HSD17B3: variants seen among roughly 807,000 people sequenced by gnomAD.
The protein encoded by HSD17B3 is hydroxysteroid 17-beta dehydrogenase 3, also known as 17-beta-hydroxysteroid dehydrogenase type 3.
Under a neutral mutation model 41.1 loss-of-function variants are expected in HSD17B3, and 29 were observed. The ratio of observed to expected loss-of-function variants is 0.71; its 90% CI spans 0.53 to 0.96. The LOEUF is 0.96. Ranked by LOEUF, HSD17B3 falls within the 40% of genes least tolerant of loss-of-function variation. The pLI is 0.00. For missense variants in HSD17B3, 323 were observed against 374.6 expected (o/e 0.86, Z 1.14); for synonymous variants, 126 against 145.6 (o/e 0.87, Z 0.97).
chr9:96,278,380 T>C (rs916853957), intron 2 of HSD17B3, among the ~76,000 whole-genome samples: 4 of 152,220 alleles, frequency 2.6e-5, no homozygotes, highest in East Asian at 1.9e-4. Context: ...TAAGAAGTCA[T>C]ACACTTAAAT....
chr9:96,280,331 A>G (rs1016623621), intron 2 of HSD17B3, among the ~76,000 whole-genome samples: 1 of 152,128 alleles, frequency 6.6e-6, no homozygotes, highest in Admixed American at 6.5e-5. Context: ...TTTTTCACCA[A>G]TCCACTTATT....
At chr9:96,300,757 T>A (rs976439432) in intron 1 of HSD17B3, among the ~76,000 whole-genome samples, 1 of 152,144 alleles carries the variant, frequency 6.6e-6, no homozygotes, top group Admixed American at 6.5e-5. Context: ...AAGTTCTGCA[T>A]GGGCGTTCCA....
chr9:96,286,181 T>C (rs1826910269), intron 2 of HSD17B3, among the ~76,000 whole-genome samples: 1 of 152,094 alleles, frequency 6.6e-6, no homozygotes, highest in African/African-American at 2.4e-5. Context: ...CCATCTCTAC[T>C]AAAACTACAA....
intron 2 of HSD17B3, among the ~76,000 whole-genome samples, chr9:96,288,511 T>C (rs1468840199): frequency 1.3e-5 from 2 of 152,094 alleles, no homozygotes; most frequent in Non-Finnish European, 2.9e-5. Context: ...CCAAGTGAGA[T>C]AGCTCATTTC....
At chr9:96,277,755 G>A (rs976444196) in intron 2 of HSD17B3, among the ~76,000 whole-genome samples, 2 of 151,588 alleles carry the variant, frequency 1.3e-5, no homozygotes, top group Non-Finnish European at 2.9e-5. Context: ...GCACTCCCTT[G>A]TTCATTACAG....
At chr9:96,257,035 C>A (rs981846316) in intron 2 of HSD17B3, among the ~76,000 whole-genome samples, 3 of 152,112 alleles carry the variant, frequency 2.0e-5, no homozygotes, top group Non-Finnish European at 4.4e-5. Flanking sequence ...CTGCTCCAGG[C>A]ATGAGAAGTG....
rs8190550 is a variant in HSD17B3, at chr9:96,245,125, G to A, written c.606+220C>T. On this transcript the variant is annotated intron_variant, in intron 8 of 10. Coordinates refer to ENST00000375263, the MANE Select transcript of HSD17B3 (RefSeq NM_000197.2). Reference sequence around the variant, plus strand: ...GGAGGTGAGTGGGGCAGGCATCCCCGGAGGCTGGCCAAGTTGTGCACCGCA... The same window carrying A: ...GGAGGTGAGTGGGGCAGGCATCCCCAGAGGCTGGCCAAGTTGTGCACCGCA... Among the ~76,000 whole-genome samples, 8,287 of 152,254 alleles carry A rather than the reference G, an allele frequency of 0.054. 372 individuals carry two copies. The highest frequency in any genetic ancestry group is 0.24 in the East Asian group (1,225 of 5,154).
chr9:96,248,844 G>T (rs1044997720), intron 6 of HSD17B3, among the ~76,000 whole-genome samples: 1 of 152,042 alleles, frequency 6.6e-6, no homozygotes, highest in African/African-American at 2.4e-5. Context: ...TCTTTGTGCA[G>T]CTGACCCTCA....
intron 7 of HSD17B3, chr9:96,246,348 T>G: frequency 1.6e-6 from 1 of 639,920 alleles, no homozygotes; most frequent in Non-Finnish European, 2.8e-6. Flanking sequence ...GTGTTACGTT[T>G]GACCTTCACA....
intron 2 of HSD17B3, among the ~76,000 whole-genome samples, chr9:96,284,753 G>T (rs1826842046): frequency 6.6e-6 from 1 of 152,104 alleles, no homozygotes; most frequent in Non-Finnish European, 1.5e-5. Context: ...CAACTCATAG[G>T]TATTTGAGGG....
At chr9:96,283,109 G>A (rs982920611) in intron 2 of HSD17B3, among the ~76,000 whole-genome samples, 13 of 145,636 alleles carry the variant, frequency 8.9e-5, no homozygotes, top group Admixed American at 2.8e-4. Flanking sequence ...GGGTTCAAGC[G>A]ATCCTCCTGC....
chr9:96,293,485 G>A (rs1450428319), intron 2 of HSD17B3, among the ~76,000 whole-genome samples: 1 of 146,536 alleles, frequency 6.8e-6, no homozygotes, highest in Non-Finnish European at 1.5e-5. Context: ...CCATAACCAT[G>A]TGCGTCAATT....
At chr9:96,267,384 C>T (rs965800297) in intron 2 of HSD17B3, among the ~76,000 whole-genome samples, 1 of 152,006 alleles carries the variant, frequency 6.6e-6, no homozygotes, top group African/African-American at 2.4e-5. Context: ...TCTCGAACTC[C>T]TGACCTCAAG....
Position 96,238,312 on chromosome 9 carries a change from G to T in HSD17B3, c.822+2446C>A, listed in dbSNP as rs568238870. Among the ~76,000 whole-genome samples the T allele has an allele frequency of 2.2e-4, 33 of 152,200 alleles. No homozygotes were observed. In the South Asian group the frequency reaches 6.9e-3, roughly 32 times the overall value. On this transcript the variant is annotated intron_variant, in intron 10 of 10. Transcript: ENST00000375263. ...CACAGTGTCCTCCTGAAGGTGGAAG[G>T]GATGCCATCCCCACTGGAGAGGGCT...
At chr9:96,282,468 T>G (rs1305168649) in intron 2 of HSD17B3, among the ~76,000 whole-genome samples, 1 of 152,222 alleles carries the variant, frequency 6.6e-6, no homozygotes, top group African/African-American at 2.4e-5. Flanking sequence ...CTTAATGCTT[T>G]AAGGTCATAA....
Position 96,252,798 on chromosome 9 carries a change from C to T in HSD17B3, c.385+5G>A, listed in dbSNP as rs1564030844. 1.3e-6 allele frequency: 2 copies of T among 1,485,424 alleles called. No individual in the cohort carries two copies. The highest frequency in any genetic ancestry group is 1.9e-6 in the Non-Finnish European group (2 of 1,062,800). 92.0% of individuals were successfully genotyped at this position (1,485,424 alleles called of 1,614,324 possible). On this transcript the variant is annotated splice_donor_5th_base_variant and intron_variant, in intron 4 of 10. Transcript: ENST00000375263. Reference sequence around the variant, plus strand: ...AACAAGCTTTGCATCTTGCAATTTACTCACCTAAAATTCCAATTTCTAAGC... The same window carrying T: ...AACAAGCTTTGCATCTTGCAATTTATTCACCTAAAATTCCAATTTCTAAGC...
intron 2 of HSD17B3, among the ~76,000 whole-genome samples, chr9:96,269,391 T>A (rs1336708873): frequency 3.3e-5 from 5 of 152,170 alleles, no homozygotes. Context: ...ACTCATGACA[T>A]ATCCTGCAGG....
chr9:96,274,757 A>T (rs1826384485), intron 2 of HSD17B3, among the ~76,000 whole-genome samples: 1 of 152,194 alleles, frequency 6.6e-6, no homozygotes, highest in African/African-American at 2.4e-5. Flanking sequence ...GATTTATGGG[A>T]CATAAACAAG....
chr9:96,243,519 C>A (rs74737024), intron 9 of HSD17B3, among the ~76,000 whole-genome samples: 2 of 152,184 alleles, frequency 1.3e-5, no homozygotes, highest in Non-Finnish European at 2.9e-5. Context: ...AATCAGTGTG[C>A]GCAGCAATAA....
Sources: gnomAD v4.1 joint callset for allele counts (sites outside exome capture counted in the v4.1 genomes callset) on GRCh38, gnomAD v4.1.1 for gene constraint, MANE v1.5 for transcripts, NCBI Gene and HGNC (gene_info 2026-07-23, HGNC 2026-07-21) for gene names.